Variants in KCNIP4 observed in about 807,000 individuals in gnomAD.
KCNIP4 encodes Kv channel-interacting protein 4.
KCNIP4 carries 12 observed loss-of-function variants against 34.0 expected under a neutral mutation model. The observed-to-expected ratio is 0.35, with a 90% CI of 0.23 to 0.57. The LOEUF is 0.57. KCNIP4 is among the 20% of genes least tolerant of loss of function. The pLI is 0.83. For synonymous variants in KCNIP4, 124 were observed against 102.2 expected (o/e 1.21, Z -1.29); for missense variants, 238 against 311.7 (o/e 0.76, Z 1.78).
chr4:20,848,545 C>G (rs1187404396), intron 3 of KCNIP4, among the ~76,000 whole-genome samples: 1 of 151,816 alleles, frequency 6.6e-6, no homozygotes, highest in Non-Finnish European at 1.5e-5. Context: ...TGGAGCCTAG[C>G]AATTTATTGT....
intron 1 of KCNIP4, among the ~76,000 whole-genome samples, chr4:21,713,987 A>C (rs1713950398): frequency 6.6e-6 from 1 of 152,192 alleles, no homozygotes; most frequent in Non-Finnish European, 1.5e-5. Flanking sequence ...ACTTCCACTC[A>C]ATTCTAAACA....
chr4:20,984,685 T>C (rs1295543418), intron 1 of KCNIP4, among the ~76,000 whole-genome samples: 1 of 152,164 alleles, frequency 6.6e-6, no homozygotes, highest in Non-Finnish European at 1.5e-5. Context: ...GGGAGATTGA[T>C]TTAGTCCTTA....
At chr4:21,364,506 G>A (rs1438453313) in intron 1 of KCNIP4, among the ~76,000 whole-genome samples, 1 of 151,970 alleles carries the variant, frequency 6.6e-6, no homozygotes, top group Admixed American at 6.6e-5. Context: ...ACATGTGTTG[G>A]ATGAAAAAAA....
At chr4:21,888,182 G>A (rs1049005170) in intron 1 of KCNIP4, among the ~76,000 whole-genome samples, 4 of 152,056 alleles carry the variant, frequency 2.6e-5, no homozygotes, top group Admixed American at 6.6e-5. Flanking sequence ...TTCAATCTTT[G>A]CTCTTAAACT....
chr4:21,395,796 G>C (rs1180751083), intron 1 of KCNIP4, among the ~76,000 whole-genome samples: 3 of 151,936 alleles, frequency 2.0e-5, no homozygotes. Context: ...AATGATGTGG[G>C]GGTAAGGTAA....
chr4:21,892,825 A>G (rs1237583096), intron 1 of KCNIP4, among the ~76,000 whole-genome samples: 1 of 152,168 alleles, frequency 6.6e-6, no homozygotes, highest in African/African-American at 2.4e-5. Context: ...AACAGGGGCA[A>G]CAAAATAGAT....
intron 1 of KCNIP4, among the ~76,000 whole-genome samples, chr4:21,201,514 T>G (rs1756491499): frequency 6.6e-6 from 1 of 152,230 alleles, no homozygotes; most frequent in Non-Finnish European, 1.5e-5. Context: ...ATTTTGTTTT[T>G]GAGATGGACT....
chr4:21,554,941 C>T (rs954857629), intron 1 of KCNIP4, among the ~76,000 whole-genome samples: 2 of 152,026 alleles, frequency 1.3e-5, no homozygotes, highest in Non-Finnish European at 2.9e-5. Flanking sequence ...TTTATTTTGC[C>T]TGGGTTTATA....
chr4:21,635,269 C>A (rs968831351), intron 1 of KCNIP4, among the ~76,000 whole-genome samples: 1 of 152,074 alleles, frequency 6.6e-6, no homozygotes, highest in East Asian at 1.9e-4. Flanking sequence ...TGTCAATTCT[C>A]GACATTCTGA....
chr4:21,346,214 A>AG (rs1717357040), intron 1 of KCNIP4, among the ~76,000 whole-genome samples: 1 of 50,170 alleles, frequency 2.0e-5, no homozygotes, highest in Non-Finnish European at 4.0e-5. Context: ...TATAATATAT[A>AG]TTATATATAA....
chr4:21,719,483 G>C (rs1714628183), intron 1 of KCNIP4, among the ~76,000 whole-genome samples: 1 of 152,114 alleles, frequency 6.6e-6, no homozygotes. Context: ...TCAGGACCAA[G>C]TTTTATGTTA....
intron 1 of KCNIP4, among the ~76,000 whole-genome samples, chr4:21,256,763 G>A (rs1467347460): frequency 6.6e-6 from 1 of 152,154 alleles, no homozygotes; most frequent in African/African-American, 2.4e-5. Context: ...TCTGAAAGCT[G>A]CATGGATAAT....
At chr4:21,193,364 G>C (rs1265906928) in intron 1 of KCNIP4, among the ~76,000 whole-genome samples, 1 of 152,106 alleles carries the variant, frequency 6.6e-6, no homozygotes, top group Non-Finnish European at 1.5e-5. Context: ...AAGTGTGGAT[G>C]TAAAATATAC....
chr4:20,745,083 G>A (rs1179716359), intron 5 of KCNIP4, among the ~76,000 whole-genome samples: 1 of 152,118 alleles, frequency 6.6e-6, no homozygotes, highest in African/African-American at 2.4e-5. Context: ...TTCTTTCCTT[G>A]CTCAACAGGA....
chr4:20,839,382 ATCTC>A (rs1028829074), intron 3 of KCNIP4, among the ~76,000 whole-genome samples: 2 of 151,548 alleles, frequency 1.3e-5, no homozygotes, highest in Admixed American at 1.3e-4. Flanking sequence ...ATAGACATCT[ATCTC>A]TATATATCTA....
intron 3 of KCNIP4, among the ~76,000 whole-genome samples, chr4:20,806,156 TTTC>T (rs1285639288): frequency 6.6e-6 from 1 of 152,080 alleles, no homozygotes; most frequent in African/African-American, 2.4e-5. Flanking sequence ...TAAAAATGAG[TTTC>T]TTTATTGTCA....
intron 1 of KCNIP4, among the ~76,000 whole-genome samples, chr4:21,486,082 C>G (rs529167024): frequency 6.6e-6 from 1 of 152,308 alleles, no homozygotes. Context: ...ACCTAGCAGA[C>G]TATCTCAGGA....
At chr4:20,774,216 C>T (rs1756169999) in intron 3 of KCNIP4, among the ~76,000 whole-genome samples, 1 of 152,132 alleles carries the variant, frequency 6.6e-6, no homozygotes. Context: ...AACCTGTTAG[C>T]TTTTGTCATG....
At chr4:21,941,208 T>A (rs953984164) in intron 1 of KCNIP4, among the ~76,000 whole-genome samples, 3 of 152,308 alleles carry the variant, frequency 2.0e-5, no homozygotes, top group African/African-American at 7.2e-5. Context: ...TTAGAAGTCA[T>A]GTCTTTTCTT....
Sources: allele counts gnomAD v4.1 joint callset (sites outside exome capture counted in the v4.1 genomes callset), GRCh38; gene constraint gnomAD v4.1.1; transcripts MANE v1.5; gene names NCBI Gene and HGNC (gene_info 2026-07-23, HGNC 2026-07-21).